The following CDK14 variants were observed in gnomAD, a reference collection of about 807,000 sequenced individuals.
CDK14 encodes the protein cyclin-dependent kinase 14.
CDK14 carries 34 observed loss-of-function variants against 60.7 expected under a neutral mutation model. That is an observed-to-expected ratio of 0.56 (90% confidence interval 0.43 to 0.75). The LOEUF (loss-of-function observed/expected upper bound fraction) is 0.75. Among genes scored for constraint, CDK14 ranks in the 30% least tolerant of loss-of-function variants. CDK14 has a pLI of 0.00. For synonymous variants in CDK14, 197 were observed against 203.7 expected (o/e 0.97, Z 0.28); for missense variants, 482 against 564.1 (o/e 0.85, Z 1.47).
intron 3 of CDK14, among the ~76,000 whole-genome samples, chr7:90,737,237 T>G (rs1026039821): frequency 6.6e-6 from 1 of 152,190 alleles, no homozygotes; most frequent in African/African-American, 2.4e-5. Flanking sequence ...TTAGAAGGGA[T>G]TTCATTGAGT....
Position 90,908,407 on chromosome 7 carries a change from G to A in CDK14, c.702+9054G>A, listed in dbSNP as rs184456933. On this transcript the variant is annotated intron_variant, in intron 7 of 14. Transcript: ENST00000380050. ...ACAGTACACTCTTTCCTAGAGATCC[G>A]TTAAAACCCAGATTGAAAAGGAATC... Among the ~76,000 whole-genome samples the A allele has an allele frequency of 5.8e-4, 88 of 152,232 alleles. 2 individuals are homozygous for A. The highest frequency in any genetic ancestry group is 4.1e-4 in the South Asian group (2 of 4,828).
intron 6 of CDK14, among the ~76,000 whole-genome samples, chr7:90,870,317 A>C (rs956229875): frequency 6.6e-6 from 1 of 152,174 alleles, no homozygotes; most frequent in Admixed American, 6.5e-5. Context: ...CATAGAGGGG[A>C]ACAACACACA....
At chr7:91,109,828 G>A (rs1161216136) in intron 12 of CDK14, among the ~76,000 whole-genome samples, 2 of 151,978 alleles carry the variant, frequency 1.3e-5, no homozygotes, top group Admixed American at 6.6e-5. Context: ...AGAATAAAAT[G>A]AACTTTAGCC....
intron 8 of CDK14, among the ~76,000 whole-genome samples, chr7:90,945,508 G>T (rs538060314): frequency 2.0e-5 from 3 of 152,310 alleles, no homozygotes; most frequent in East Asian, 1.9e-4. Context: ...AGAGAAATTG[G>T]TTCTGGAACT....
chr7:91,119,112 C>T (rs1799705090), intron 14 of CDK14, among the ~76,000 whole-genome samples: 1 of 151,888 alleles, frequency 6.6e-6, no homozygotes, highest in African/African-American at 2.4e-5. Flanking sequence ...AAATAGAGAA[C>T]AAATGTTACT....
chr7:91,138,378 C>G (rs907630388), intron 14 of CDK14, among the ~76,000 whole-genome samples: 1 of 151,996 alleles, frequency 6.6e-6, no homozygotes, highest in Non-Finnish European at 1.5e-5. Flanking sequence ...TTTCTTAGAG[C>G]CTCTTGCTAA....
chr7:90,692,315 G>T (rs1467124143), intron 2 of CDK14, among the ~76,000 whole-genome samples: 1 of 151,938 alleles, frequency 6.6e-6, no homozygotes, highest in Non-Finnish European at 1.5e-5. Context: ...TATATTCCAA[G>T]GACTTATTTT....
chr7:90,725,610 T>C (rs1369180607), intron 2 of CDK14, among the ~76,000 whole-genome samples: 2 of 152,168 alleles, frequency 1.3e-5, no homozygotes, highest in Non-Finnish European at 2.9e-5. Context: ...GAACTTTTTA[T>C]AAGAAGAAAA....
intron 5 of CDK14, among the ~76,000 whole-genome samples, chr7:90,799,141 G>T (rs1440438857): frequency 1.3e-5 from 2 of 152,172 alleles, no homozygotes; most frequent in African/African-American, 4.8e-5. Flanking sequence ...TTGAATATGT[G>T]ATGGTTTTCT....
At chr7:91,060,606 A>G (rs1274407442) in intron 11 of CDK14, among the ~76,000 whole-genome samples, 2 of 152,112 alleles carry the variant, frequency 1.3e-5, no homozygotes, top group African/African-American at 4.8e-5. Flanking sequence ...TGGTGACAAA[A>G]TCTCTCAGCA....
chr7:90,860,960 A>G (rs772410154), intron 5 of CDK14, among the ~76,000 whole-genome samples: 2 of 152,130 alleles, frequency 1.3e-5, no homozygotes, highest in African/African-American at 2.4e-5. Context: ...CTGGGTTTTT[A>G]GAGGAGTAGA....
chr7:90,633,400 T>C (rs1417452387), intron 2 of CDK14, among the ~76,000 whole-genome samples: 7 of 152,218 alleles, frequency 4.6e-5, no homozygotes, highest in Admixed American at 1.3e-4. Flanking sequence ...TTCTTAGATA[T>C]ATGCAAACAA....
At chr7:91,173,197 A>C (rs183362041) in intron 14 of CDK14, among the ~76,000 whole-genome samples, 7 of 152,266 alleles carry the variant, frequency 4.6e-5, no homozygotes, top group African/African-American at 1.7e-4. Context: ...AACCAGGTTC[A>C]TTCTAGCAGT....
At chr7:90,721,728 G>C (rs543503147) in intron 2 of CDK14, among the ~76,000 whole-genome samples, 2 of 152,280 alleles carry the variant, frequency 1.3e-5, no homozygotes, top group East Asian at 3.9e-4. Flanking sequence ...AAGGGCTACT[G>C]TTTGGTGGTT....
chr7:90,943,641 G>A (rs963289964), intron 8 of CDK14, among the ~76,000 whole-genome samples: 1 of 152,094 alleles, frequency 6.6e-6, no homozygotes. Flanking sequence ...CAATATTCGT[G>A]TGCATCATAA....
chr7:90,851,880 T>G (rs1019459902), intron 5 of CDK14, among the ~76,000 whole-genome samples: 2 of 152,222 alleles, frequency 1.3e-5, no homozygotes, highest in African/African-American at 4.8e-5. Context: ...CGAAGTGCAG[T>G]GGTGTGATCA....
chr7:90,749,684 C>T (rs1431002173), intron 4 of CDK14, among the ~76,000 whole-genome samples: 1 of 152,222 alleles, frequency 6.6e-6, no homozygotes, highest in Non-Finnish European at 1.5e-5. Flanking sequence ...AGCACTTACA[C>T]TCCTGGATTA....
chr7:91,151,421 C>T (rs1258977540), intron 14 of CDK14, among the ~76,000 whole-genome samples: 2 of 152,174 alleles, frequency 1.3e-5, no homozygotes. Flanking sequence ...AACATAATTT[C>T]ACCTGTTAAA....
rs1165113879 is a variant in CDK14, at chr7:90,806,474, A to G, written c.544+15822A>G. Among the ~76,000 whole-genome samples the G allele has an allele frequency of 2.0e-5, 3 of 152,244 alleles. No individual in the cohort carries two copies. The East Asian group carries it at 5.8e-4, about 29-fold the overall frequency. ...AATTTATTTGAATAGACATTTCAGCAAAGAAATATATGAATGGCGAAGATG... is the reference window on the plus strand; with the variant it reads ...AATTTATTTGAATAGACATTTCAGCGAAGAAATATATGAATGGCGAAGATG... On this transcript the variant is annotated intron_variant, in intron 5 of 14. Coordinates refer to ENST00000380050, the MANE Select transcript of CDK14 (RefSeq NM_001287135.2).
Sources: gnomAD v4.1 joint callset for allele counts (sites outside exome capture counted in the v4.1 genomes callset) on GRCh38, gnomAD v4.1.1 for gene constraint, MANE v1.5 for transcripts, NCBI Gene and HGNC (gene_info 2026-07-23, HGNC 2026-07-21) for gene names.